SAFB: variants seen among roughly 807,000 people sequenced by gnomAD.
SAFB encodes scaffold attachment factor B.
SAFB carries 15 observed loss-of-function variants against 101.6 expected under a neutral mutation model. The ratio of observed to expected loss-of-function variants is 0.15; its 90% CI spans 0.10 to 0.23. SAFB has a LOEUF of 0.23. Ranked by LOEUF, SAFB falls within the 10% of genes least tolerant of loss-of-function variation. The pLI is 1.00. For synonymous variants in SAFB, 449 were observed against 407.5 expected (o/e 1.10, Z -1.23); for missense variants, 930 against 1,104.1 (o/e 0.84, Z 2.23).
Position 5,667,722 on chromosome 19 carries a change from C to T in SAFB, c.2558-98C>T, listed in dbSNP as rs1026641097. ...CCTGGGACCCGCTAGTTGTGGGTAC[C>T]TGGGGGCCTCACCAAAGGGAGTGGA... On this transcript the variant is annotated intron_variant, in intron 19 of 20. Coordinates refer to ENST00000588852, the MANE Select transcript of SAFB (RefSeq NM_001201338.2). This position sits in a 1 kb window ranked among gnomAD's most constrained non-coding sequence, Gnocchi z 4.0. The T allele has an allele frequency of 1.7e-5, 20 of 1,191,418 alleles. No individual in the cohort carries two copies. Among genetic ancestry groups the T allele is most frequent in the Middle Eastern group, 1.9e-4 (1 of 5,320 alleles). The allele number at this position is 1,191,418 out of a possible 1,614,324, so 73.8% of individuals were successfully genotyped here.
Position 5,641,500 on chromosome 19 carries a change from T to C in SAFB, c.275-94T>C, listed in dbSNP as rs182739800. 3.9e-6 allele frequency: 4 copies of C among 1,020,346 alleles called. No homozygotes were observed. In the Admixed American group the frequency reaches 8.0e-5, roughly 20 times the overall value. 63.2% of individuals were successfully genotyped at this position (1,020,346 alleles called of 1,614,324 possible). On this transcript the variant is annotated intron_variant, in intron 2 of 20. Coordinates refer to ENST00000588852, the MANE Select transcript of SAFB (RefSeq NM_001201338.2). The stretch of plus-strand genomic sequence containing the variant: ...CTAAGTAGTGAGGTGTCTCAGATGT[T>C]TATAAAGTGACCACTTGTGTAGTGC...
intron 9 of SAFB, among the ~76,000 whole-genome samples, chr19:5,652,090 C>T (rs2053951795): frequency 1.3e-5 from 2 of 151,800 alleles, no homozygotes; most frequent in South Asian, 4.1e-4. Flanking sequence ...GTACTTGGGA[C>T]GCTAAGGCAG....
At chr19:5,656,437 G>A (rs2054061688) in intron 13 of SAFB, among the ~76,000 whole-genome samples, 1 of 151,744 alleles carries the variant, frequency 6.6e-6, no homozygotes, top group Non-Finnish European at 1.5e-5. Flanking sequence ...CACTATGCCC[G>A]GCTAATTTTT....
At chr19:5,641,041 T>G (rs977213107) in intron 2 of SAFB, among the ~76,000 whole-genome samples, 1 of 152,072 alleles carries the variant, frequency 6.6e-6, no homozygotes, top group Non-Finnish European at 1.5e-5. Context: ...GTGATTGTCC[T>G]GTATTTTTAG....
chr19:5,652,201 A>T (rs928080143), intron 9 of SAFB, among the ~76,000 whole-genome samples: 3 of 152,122 alleles, frequency 2.0e-5, no homozygotes, highest in African/African-American at 7.2e-5. Context: ...AAAAAAAGAA[A>T]AAAAAAAAGG....
intron 4 of SAFB, among the ~76,000 whole-genome samples, chr19:5,643,437 G>A (rs2053764192): frequency 1.3e-5 from 2 of 152,166 alleles, no homozygotes; most frequent in African/African-American, 2.4e-5. Flanking sequence ...TGTCATATTT[G>A]AATGGAGGAT....
chr19:5,654,253 G>GT, intron 12 of SAFB, 53 bp downstream of exon 12: 1 of 1,608,156 alleles, frequency 6.2e-7, no homozygotes, highest in Non-Finnish European at 8.5e-7. Flanking sequence ...GCCTAGTGGA[G>GT]TTTGTTAGTT....
At chr19:5,625,111 C>G (rs2053328658) in intron 1 of SAFB, among the ~76,000 whole-genome samples, 1 of 152,176 alleles carries the variant, frequency 6.6e-6, no homozygotes, top group Non-Finnish European at 1.5e-5. Context: ...GGTCCCAAAA[C>G]ACGAATACCG....
intron 15 of SAFB, among the ~76,000 whole-genome samples, chr19:5,662,569 C>G (rs2054237909): frequency 2.0e-5 from 3 of 151,856 alleles, no homozygotes; most frequent in African/African-American, 7.3e-5. Context: ...GTGGCACAGA[C>G]CTCCTGAGGA....
intron 4 of SAFB, among the ~76,000 whole-genome samples, chr19:5,643,380 G>A (rs2053762618): frequency 6.6e-6 from 1 of 152,070 alleles, no homozygotes; most frequent in South Asian, 2.1e-4. Context: ...GAATATTTTT[G>A]CATTTCCTCT....
In SAFB at chr19:5,667,143, G is replaced by A. The variant is rs773646650; in HGVS notation, c.2432G>A (p.Arg811Gln). ...TCTGACAAGAGGATGAGCGAGGGCC[G>A]GGGGCTGCCTCCTCCCCCCAGGTTT... ...YGSDKRMSEG[R>Q]GLPPPPRGRR... The change falls in exon 18 of 21, where the codon CGG becomes CAG. Residue 811 changes from arginine to glutamine, a missense_variant. Arg to Gln is a conservative substitution (Grantham distance 43, BLOSUM62 1). Coordinates refer to ENST00000588852, the MANE Select transcript of SAFB (RefSeq NM_001201338.2). The surrounding 1 kb of genome is among the most constrained non-coding windows in gnomAD (Gnocchi z 4.0). 17 of 1,595,880 alleles carry A rather than the reference G, an allele frequency of 1.1e-5. No homozygotes were observed. The highest frequency in any genetic ancestry group is 4.5e-5 in the East Asian group (2 of 44,772).
chr19:5,624,259 G>A (rs1361142699), intron 1 of SAFB, among the ~76,000 whole-genome samples: 1 of 148,810 alleles, frequency 6.7e-6, no homozygotes, highest in African/African-American at 2.5e-5. Context: ...AAGCAAAAAA[G>A]CAATAGGACT....
intron 15 of SAFB, among the ~76,000 whole-genome samples, chr19:5,662,691 A>G (rs187305199): frequency 2.8e-5 from 4 of 144,314 alleles, no homozygotes; most frequent in Admixed American, 7.0e-5. Context: ...CCCAGGCTGG[A>G]GTGCAATGGC....
In SAFB at chr19:5,659,752, G is replaced by T. The variant is rs570332236; in HGVS notation, c.1863-1766G>T. Among the ~76,000 whole-genome samples the T allele has an allele frequency of 3.7e-4, 57 of 152,074 alleles. 1 individual carries two copies. In the South Asian group the frequency reaches 0.011, roughly 30 times the overall value. On this transcript the variant is annotated intron_variant, in intron 14 of 20. Coordinates refer to ENST00000588852, the MANE Select transcript of SAFB (RefSeq NM_001201338.2). ...CTGTGAGTGCAGGCATTGGCAGGTGGCATTTCTGCTGGGGGAGTAATGAAC... is the reference window on the plus strand; with the variant it reads ...CTGTGAGTGCAGGCATTGGCAGGTGTCATTTCTGCTGGGGGAGTAATGAAC...
chr19:5,628,331 C>T (rs919066455), intron 2 of SAFB, among the ~76,000 whole-genome samples: 2 of 152,180 alleles, frequency 1.3e-5, no homozygotes, highest in Non-Finnish European at 2.9e-5. Context: ...ATCTGAAATG[C>T]TTGGGACCAG....
rs370566877 is a variant in SAFB at position 5,641,816 on chromosome 19, T to C, written c.416T>C (p.Ile139Thr). The C allele has an allele frequency of 5.6e-5, 91 of 1,613,832 alleles. No individual in the cohort carries two copies. Among genetic ancestry groups the C allele is most frequent in the Non-Finnish European group, 6.4e-5 (76 of 1,179,980 alleles). ...MDISVLDEAE[I>T]DNGSVADCVE... ...ATCAGTGTGTTGGATGAAGCAGAAA[T>C]TGATAATGGAAGCGTTGCAGATTGT... Residue 139 changes from isoleucine to threonine, a missense_variant, in exon 4 of 21, where the codon ATT (isoleucine) becomes ACT (threonine). This residue lies in a region of SAFB where 119 missense variants were observed against 171.4 expected (regional missense o/e 0.69). Transcript: ENST00000588852.
In SAFB at chr19:5,640,693, G is replaced by A. The variant is rs571942668; in HGVS notation, c.275-901G>A. Among the ~76,000 whole-genome samples the A allele has an allele frequency of 2.6e-5, 4 of 152,182 alleles. No homozygotes were observed. In the East Asian group the frequency reaches 5.8e-4, roughly 22 times the overall value. On this transcript the variant is annotated intron_variant, in intron 2 of 20. Transcript: ENST00000588852. ...CAACCTAAACCTCCAGAGTTCAAGC[G>A]ATTTTCCTGCCTCCGCCTCCTGAGT... is the stretch of plus-strand genomic sequence containing the variant.
chr19:5,651,370 TTGGCTGGTGGGGTGC>T (rs2053934804), intron 9 of SAFB, among the ~76,000 whole-genome samples: 1 of 152,164 alleles, frequency 6.6e-6, no homozygotes, highest in East Asian at 1.9e-4. Context: ...GCTGCCAGGG[TTGGCTGGTGGGGTGC>T]TGGTCAGCAT....
In SAFB at chr19:5,667,399, C is replaced by A; in HGVS notation, c.2506C>A (p.Gln836Lys). 8 of 1,514,518 alleles carry A rather than the reference C, an allele frequency of 5.3e-6. No individual in the cohort carries two copies. Among genetic ancestry groups the A allele is most frequent in the Non-Finnish European group, 7.0e-6 (8 of 1,137,332 alleles). The allele number at this position is 1,514,518 out of a possible 1,614,324, so 93.8% of individuals were successfully genotyped here. The change falls in exon 19 of 21, where the codon CAG (glutamine) becomes AAG (lysine). Residue 836 changes from glutamine to lysine, a missense_variant. By Grantham distance (53) the Gln-to-Lys change is moderately conservative (BLOSUM62 1). Around this residue, in one of 7 missense-constraint regions of SAFB, gnomAD observed 318 missense variants for 342.6 expected, o/e 0.93. Coordinates refer to ENST00000588852, the MANE Select transcript of SAFB (RefSeq NM_001201338.2). The surrounding 1 kb of genome is among the most constrained non-coding windows in gnomAD (Gnocchi z 4.0). ...HGRREDDRSW[Q>K]GTADGGMMDR... ...CCGAAGAGAGGATGACCGGTCATGG[C>A]AGGGCACGGCCGACGGGGGCATGAT...
Sources: gnomAD v4.1 joint callset for allele counts (sites outside exome capture counted in the v4.1 genomes callset) on GRCh38, gnomAD v4.1.1 for gene constraint, gnomAD v4.1.1 regional missense constraint, Gnocchi (gnomAD v3.1) non-coding constraint, MANE v1.5 for transcripts, NCBI Gene and HGNC (gene_info 2026-07-23, HGNC 2026-07-21) for gene names.